The following ANK1 variants were observed in gnomAD, a reference collection of about 807,000 sequenced individuals.
The protein encoded by ANK1 is ankyrin 1, also known as ankyrin-1.
Under a neutral mutation model 210.4 loss-of-function variants are expected in ANK1, and 51 were observed. The observed-to-expected ratio is 0.24, with a 90% CI of 0.19 to 0.31. The LOEUF is 0.31. Among genes scored for constraint, ANK1 ranks in the 10% least tolerant of loss-of-function variants. ANK1 has a pLI of 1.00. For synonymous variants in ANK1, 967 were observed against 1,025.9 expected, an observed-to-expected ratio of 0.94 and a Z score of 1.10; for missense variants, 2,051 against 2,504.4, an observed-to-expected ratio of 0.82 and a Z score of 3.86.
chr8:41,662,363 C>T (rs1422410089), intron 40 of ANK1, among the ~76,000 whole-genome samples: 1 of 152,182 alleles, frequency 6.6e-6, no homozygotes, highest in Non-Finnish European at 1.5e-5. Flanking sequence ...CCTAGGAGCC[C>T]CTCCTTGAGA....
chr8:41,800,034 T>C (rs1448048614), upstream of ANK1, among the ~76,000 whole-genome samples: 1 of 152,116 alleles, frequency 6.6e-6, no homozygotes, highest in Non-Finnish European at 1.5e-5. Flanking sequence ...TTATCTGCCA[T>C]AGAATACCTT....
chr8:41,713,995 G>A (rs764907498), intron 16 of ANK1, among the ~76,000 whole-genome samples, 161 bp downstream of exon 16: 3 of 152,222 alleles, frequency 2.0e-5, no homozygotes, highest in Non-Finnish European at 4.4e-5. Flanking sequence ...CGTGATTACA[G>A]GGCAGGTAAC....
chr8:41,697,869 G>C (rs906999342), intron 24 of ANK1, 174 bp downstream of exon 24: 1 of 712,646 alleles, frequency 1.4e-6, no homozygotes, highest in East Asian at 2.7e-5. Flanking sequence ...CCCACCCAGC[G>C]CCACCAATGT....
chr8:41,663,859 C>T (rs1374121742), intron 39 of ANK1, 117 bp from the exon 40 acceptor site: 3 of 842,910 alleles, frequency 3.6e-6, no homozygotes, highest in Admixed American at 1.9e-5. Flanking sequence ...AATAACTCCC[C>T]CAGCAGGAAA....
At chr8:41,850,773 T>C (rs188012551) in intron 1 of ANK1, among the ~76,000 whole-genome samples, 2 of 152,364 alleles carry the variant, frequency 1.3e-5, no homozygotes, top group Non-Finnish European at 2.9e-5. Flanking sequence ...TGAGCTACCA[T>C]GCCTGGCCCA....
At chr8:41,799,327 C>G (rs143204984), upstream of ANK1, among the ~76,000 whole-genome samples, 402 of 152,226 alleles carry the variant, frequency 2.6e-3, 2 homozygotes, top group African/African-American at 9.2e-3. Flanking sequence ...GAGGGGGCAG[C>G]GTGGCATGCA....
upstream of ANK1, among the ~76,000 whole-genome samples, chr8:41,800,087 C>T (rs543365311): frequency 7.4e-4 from 113 of 152,254 alleles, no homozygotes; most frequent in Admixed American, 4.0e-3. Flanking sequence ...AAGCTGTCCC[C>T]ACGCTGGAAA....
chr8:41,854,631 A>G (rs748911812), intron 1 of ANK1, among the ~76,000 whole-genome samples: 2 of 152,144 alleles, frequency 1.3e-5, no homozygotes, highest in African/African-American at 2.4e-5. Context: ...TTGGCCCCAG[A>G]TGGGAGTATT....
At chr8:41,703,400 ATG>A (rs1199694080) in intron 20 of ANK1, among the ~76,000 whole-genome samples, 1,090 of 73,766 alleles carry the variant, frequency 0.015, 55 homozygotes, top group African/African-American at 0.056. Context: ...ATATATGTAT[ATG>A]TGTGTGTGTG....
intron 42 of ANK1, 92 bp from the exon 43 acceptor site, chr8:41,655,845 C>T: frequency 7.0e-7 from 1 of 1,420,040 alleles, no homozygotes; most frequent in South Asian, 1.2e-5. Flanking sequence ...GCTGGCAGCT[C>T]AGGCCGAATC....
chr8:41,884,134 G>A (rs960133343), intron 1 of ANK1, among the ~76,000 whole-genome samples: 1 of 152,168 alleles, frequency 6.6e-6, no homozygotes, highest in Non-Finnish European at 1.5e-5. Flanking sequence ...CAGATTTCTT[G>A]AGACCAGGAG....
intron 23 of ANK1, 104 bp from the exon 24 acceptor site, chr8:41,698,225 G>C (rs538636664): frequency 8.9e-7 from 1 of 1,120,154 alleles, no homozygotes; most frequent in Non-Finnish European, 1.3e-6. Context: ...CCACTCCAGA[G>C]CCTGACTGCG....
chr8:41,690,629 G>A (rs764047876), intron 31 of ANK1, 30 bp from the exon 32 acceptor site: 31 of 1,606,434 alleles, frequency 1.9e-5, no homozygotes, highest in Non-Finnish European at 2.5e-5. Flanking sequence ...GATACAGCTT[G>A]TCAGGGAGAG....
chr8:41,752,524 G>C lies in ANK1; in HGVS notation c.129+5512C>G, dbSNP rs1837956904. Among the ~76,000 whole-genome samples the C allele has an allele frequency of 2.0e-5, 3 of 152,190 alleles. No individual in the cohort carries two copies. The South Asian group carries it at 6.2e-4, about 32-fold the overall frequency. On this transcript the variant is annotated intron_variant, in intron 2 of 42. Coordinates refer to ENST00000289734, the MANE Select transcript of ANK1 (RefSeq NM_000037.4). ...TATATATTTCTGCTTGGATTCCTCA[G>C]AGCCTCCTTACCAGGATCTGGAACA...
Position 41,692,760 on chromosome 8 carries a change from T to C in ANK1, c.3746A>G (p.Asn1249Ser). Residue 1249 changes from asparagine to serine, a missense_variant, in exon 31 of 43, where the codon AAT (asparagine) becomes AGT (serine). By Grantham distance (46) the Asn-to-Ser change is conservative (BLOSUM62 1). Around this residue, in one of 6 missense-constraint regions of ANK1, gnomAD observed 1,413 missense variants for 1,707.4 expected, o/e 0.83. Coordinates refer to ENST00000289734, the MANE Select transcript of ANK1 (RefSeq NM_000037.4). Reference protein sequence around the residue: ...MAKFVIFAKMNDPREGRLRCY... With the variant: ...MAKFVIFAKMSDPREGRLRCY... Reference sequence around the variant, plus strand: ...GCGCAGGCGCCCCTCTCGGGGGTCATTCATCTTGGCAAAGATGACGAATTT... The same window carrying C: ...GCGCAGGCGCCCCTCTCGGGGGTCACTCATCTTGGCAAAGATGACGAATTT... 1.2e-6 allele frequency: 2 copies of C among 1,613,990 alleles called. No individual in the cohort carries two copies. The highest frequency in any genetic ancestry group is 1.7e-5 in the Admixed American group (1 of 60,014).
chr8:41,689,279 T>G (rs1186124744), intron 33 of ANK1, among the ~76,000 whole-genome samples: 1 of 148,112 alleles, frequency 6.8e-6, no homozygotes, highest in Non-Finnish European at 1.5e-5. Context: ...CATGCCACCA[T>G]GCCCAGCTAA....
intron 1 of ANK1, among the ~76,000 whole-genome samples, chr8:41,763,509 A>G (rs1054411544): frequency 7.2e-5 from 11 of 152,208 alleles, no homozygotes; most frequent in Admixed American, 2.0e-4. Context: ...GATTCAATCC[A>G]GGGGTACCCC....
At chr8:41,668,183 A>G (rs1811149680) in intron 39 of ANK1, 84 bp downstream of exon 39, 1 of 1,571,208 alleles carries the variant, frequency 6.4e-7, no homozygotes, top group South Asian at 1.1e-5. Flanking sequence ...TCAGGGCTTG[A>G]GTGCCTGAGA....
At chr8:41,893,870 C>T (rs1819930365) in intron 1 of ANK1, among the ~76,000 whole-genome samples, 1 of 152,182 alleles carries the variant, frequency 6.6e-6, no homozygotes, top group South Asian at 2.1e-4. Context: ...AAAATTATCT[C>T]CTTCATGAAA....
Sources: allele counts gnomAD v4.1 joint callset (sites outside exome capture counted in the v4.1 genomes callset), GRCh38; gene constraint gnomAD v4.1.1; regional missense constraint gnomAD v4.1.1; transcripts MANE v1.5; gene names NCBI Gene and HGNC (gene_info 2026-07-23, HGNC 2026-07-21).